The following NALCN variants were observed in gnomAD, a reference collection of about 807,000 sequenced individuals.
NALCN encodes sodium leak channel NALCN.
A neutral mutation model predicts 225.3 loss-of-function variants in NALCN; 111 were observed. The observed-to-expected ratio is 0.49, with a 90% confidence interval of 0.42 to 0.58. The LOEUF is 0.58. NALCN is among the 20% of genes least tolerant of loss of function. The pLI is 0.00. For missense variants in NALCN, 1,378 were observed against 2,202.4 expected (o/e 0.63, Z 7.49); for synonymous variants, 764 against 769.0 (o/e 0.99, Z 0.11).
At chr13:101,068,255 C>G (rs1046974151) in intron 38 of NALCN, among the ~76,000 whole-genome samples, 2 of 152,140 alleles carry the variant, frequency 1.3e-5, no homozygotes, top group African/African-American at 4.8e-5. Flanking sequence ...TAAGCACAAA[C>G]ACACATTCTG....
intron 6 of NALCN, among the ~76,000 whole-genome samples, chr13:101,358,934 G>C (rs142537030): frequency 7.0e-6 from 1 of 142,822 alleles, no homozygotes; most frequent in African/African-American, 3.1e-5. Flanking sequence ...TTCAGCAAAC[G>C]TAACACAGGA....
chr13:101,112,175 T>C (rs2035475853), intron 18 of NALCN, among the ~76,000 whole-genome samples: 1 of 151,256 alleles, frequency 6.6e-6, no homozygotes, highest in Admixed American at 6.6e-5. Flanking sequence ...ATGTTATGTG[T>C]TGTTTTTAAA....
intron 30 of NALCN, among the ~76,000 whole-genome samples, chr13:101,088,312 C>T (rs2034032146): frequency 6.6e-6 from 1 of 152,126 alleles, no homozygotes; most frequent in Non-Finnish European, 1.5e-5. Context: ...ATGACAGATA[C>T]AGTCCCATGT....
At position 101,089,843 on chromosome 13, in the gene NALCN, T is replaced by C; in HGVS notation, c.3390+3A>G. ...GTTCAAAGGATTCGATGTGCTCGCT[T>C]ACCGGCCCCACACGATGAATAATAA... is the stretch of plus-strand genomic sequence containing the variant. On this transcript the variant is annotated splice_donor_region_variant and intron_variant, in intron 29 of 43. Transcript: ENST00000251127. This position sits in a 1 kb window ranked among gnomAD's most constrained non-coding sequence, Gnocchi z 4.7. The C allele has an allele frequency of 1.2e-6, 2 of 1,614,078 alleles. No homozygotes were observed. Among genetic ancestry groups the C allele is most frequent in the Non-Finnish European group, 1.7e-6 (2 of 1,179,928 alleles).
At chr13:101,069,637 T>G (rs1416640123) in intron 37 of NALCN, among the ~76,000 whole-genome samples, 1 of 152,246 alleles carries the variant, frequency 6.6e-6, no homozygotes, top group Non-Finnish European at 1.5e-5. Flanking sequence ...CTGCAGCATG[T>G]GATGCTGTTT....
intron 18 of NALCN, among the ~76,000 whole-genome samples, chr13:101,112,959 A>G (rs2139654296): frequency 6.6e-6 from 1 of 152,286 alleles, no homozygotes; most frequent in Non-Finnish European, 1.5e-5. Context: ...GTAATACATT[A>G]TATAAGAACT....
At chr13:101,114,419 T>C (rs988368313) in intron 18 of NALCN, among the ~76,000 whole-genome samples, 3 of 148,026 alleles carry the variant, frequency 2.0e-5, no homozygotes, top group Non-Finnish European at 4.5e-5. Context: ...CTACATAGCA[T>C]ATTCATTCTC....
At chr13:101,179,119 T>G (rs569677548) in intron 14 of NALCN, among the ~76,000 whole-genome samples, 1 of 152,260 alleles carries the variant, frequency 6.6e-6, no homozygotes, top group South Asian at 2.1e-4. Context: ...AATACAATAT[T>G]GCACTCACTG....
intron 3 of NALCN, among the ~76,000 whole-genome samples, chr13:101,387,837 C>T (rs2047039034): frequency 6.6e-6 from 1 of 152,050 alleles, no homozygotes; most frequent in Admixed American, 6.5e-5. Flanking sequence ...ACAAATTTCT[C>T]ATGTAAGTAT....
chr13:101,263,326 G>A (rs1228637550), intron 10 of NALCN, among the ~76,000 whole-genome samples: 1 of 152,084 alleles, frequency 6.6e-6, no homozygotes, highest in African/African-American at 2.4e-5. Flanking sequence ...AAATCATCTG[G>A]CACATTTCTA....
At chr13:101,151,938 G>A (rs910455481) in intron 15 of NALCN, among the ~76,000 whole-genome samples, 1 of 152,180 alleles carries the variant, frequency 6.6e-6, no homozygotes, top group African/African-American at 2.4e-5. Context: ...GGTGGGCACT[G>A]TCTTTTCTGC....
rs1437183994 is a variant in NALCN, at chr13:101,095,616, C to T, written c.3227G>A (p.Arg1076Lys). ...SVSKNLNLKL[R>K]PGEKKPGFWV... Reference sequence around the variant, plus strand: ...AAATCCAGGTTTTTTCTCTCCAGGCCTCAATTTTAAATTTAAGTTCTTTGA... The same window carrying T: ...AAATCCAGGTTTTTTCTCTCCAGGCTTCAATTTTAAATTTAAGTTCTTTGA... The change falls in exon 28 of 44, where the codon AGG becomes AAG. Residue 1076 changes from arginine (R) to lysine (K), a missense_variant. Physicochemically the swap from Arg to Lys is conservative, Grantham distance 26 (BLOSUM62 2). This residue lies in a region of NALCN where 292 missense variants were observed against 409.5 expected (regional missense o/e 0.71). Coordinates refer to ENST00000251127, the MANE Select transcript of NALCN (RefSeq NM_052867.4). The T allele has an allele frequency of 2.5e-6, 4 of 1,613,294 alleles. No individual in the cohort carries two copies. Among genetic ancestry groups the T allele is most frequent in the Non-Finnish European group, 3.4e-6 (4 of 1,179,656 alleles).
In NALCN at chr13:101,376,909, G is replaced by A; in HGVS notation, c.515+8C>T. On this transcript the variant is annotated splice_region_variant and intron_variant, in intron 5 of 43. Coordinates refer to ENST00000251127, the MANE Select transcript of NALCN (RefSeq NM_052867.4). ...TTTCCTCTTAACTTATTGTAAAGCA[G>A]CGCTCACTTTAAAATATTTGTAATT... The A allele has an allele frequency of 1.9e-6, 3 of 1,614,150 alleles. No homozygotes were observed. Among genetic ancestry groups the A allele is most frequent in the Non-Finnish European group, 1.7e-6 (2 of 1,180,022 alleles).
intron 18 of NALCN, among the ~76,000 whole-genome samples, chr13:101,118,586 A>C (rs2035826284): frequency 6.6e-6 from 1 of 152,184 alleles, no homozygotes; most frequent in Non-Finnish European, 1.5e-5. Context: ...TTATTTCCAA[A>C]TAGTCTTTCA....
At chr13:101,077,991 C>A (rs2033369765) in intron 34 of NALCN, among the ~76,000 whole-genome samples, 1 of 152,212 alleles carries the variant, frequency 6.6e-6, no homozygotes, top group South Asian at 2.1e-4. Context: ...TGCCAATATA[C>A]AGCTCAGGCT....
At chr13:101,342,616 G>A (rs766103615) in intron 7 of NALCN, among the ~76,000 whole-genome samples, 2 of 152,146 alleles carry the variant, frequency 1.3e-5, no homozygotes, top group East Asian at 1.9e-4. Context: ...ATCCACAGTA[G>A]GCAGAATCTT....
chr13:101,173,617 T>C (rs899939187), intron 15 of NALCN, among the ~76,000 whole-genome samples: 4 of 152,074 alleles, frequency 2.6e-5, no homozygotes, highest in African/African-American at 9.7e-5. Context: ...AGAATCTACA[T>C]ACAAGCAGAT....
At chr13:101,347,811 T>A (rs554289776) in intron 6 of NALCN, among the ~76,000 whole-genome samples, 1 of 152,200 alleles carries the variant, frequency 6.6e-6, no homozygotes, top group Non-Finnish European at 1.5e-5. Context: ...GTAAACCAAG[T>A]AATGCACTTT....
chr13:101,289,628 C>T (rs897100283), intron 9 of NALCN, among the ~76,000 whole-genome samples: 1 of 151,748 alleles, frequency 6.6e-6, no homozygotes, highest in Non-Finnish European at 1.5e-5. Flanking sequence ...GCCCAGGACC[C>T]TTTAGTCCTT....
Sources: allele counts gnomAD v4.1 joint callset (sites outside exome capture counted in the v4.1 genomes callset), GRCh38; gene constraint gnomAD v4.1.1; regional missense constraint gnomAD v4.1.1; non-coding constraint Gnocchi (gnomAD v3.1); transcripts MANE v1.5; gene names NCBI Gene and HGNC (gene_info 2026-07-23, HGNC 2026-07-21).